Variants in NPAS3 observed in about 807,000 individuals in gnomAD.
NPAS3 encodes neuronal PAS domain-containing protein 3.
Under a neutral mutation model 73.1 loss-of-function variants are expected in NPAS3, and 14 were observed. The observed-to-expected ratio is 0.19, with a 90% CI of 0.13 to 0.30. The LOEUF (loss-of-function observed/expected upper bound fraction) is 0.30, where lower values mean the gene tolerates loss of function less well. Among genes scored for constraint, NPAS3 ranks in the 10% least tolerant of loss-of-function variants. NPAS3 has a pLI of 1.00. For synonymous variants in NPAS3, 620 were observed against 541.5 expected (o/e 1.14, Z -2.01); for missense variants, 1,096 against 1,250.0 (o/e 0.88, Z 1.86).
intron 4 of NPAS3, among the ~76,000 whole-genome samples, chr14:33,557,201 G>C (rs1368623174): frequency 1.3e-5 from 2 of 152,130 alleles, no homozygotes; most frequent in East Asian, 1.9e-4. Flanking sequence ...CGCTTGAAAG[G>C]CTCTATCAGA....
intron 9 of NPAS3, among the ~76,000 whole-genome samples, chr14:33,784,745 A>ATTTTTTT (rs1226491375): frequency 2.3e-4 from 17 of 73,856 alleles, no homozygotes; most frequent in African/African-American, 8.7e-4. Flanking sequence ...TTATTTATTT[A>ATTTTTTT]TTTTTTTTTT....
At chr14:33,011,899 C>G (rs2039212216) in intron 1 of NPAS3, among the ~76,000 whole-genome samples, 1 of 152,128 alleles carries the variant, frequency 6.6e-6, no homozygotes. Flanking sequence ...TTCGAAAGGC[C>G]AGGGTTCATG....
At chr14:33,253,588 T>A (rs1566727199) in intron 3 of NPAS3, among the ~76,000 whole-genome samples, 1 of 152,008 alleles carries the variant, frequency 6.6e-6, no homozygotes, top group Non-Finnish European at 1.5e-5. Context: ...TTGGTACTTT[T>A]CTCTCTTGTG....
chr14:33,647,296 A>C (rs532199197), intron 5 of NPAS3, among the ~76,000 whole-genome samples: 5,618 of 150,172 alleles, frequency 0.037, 136 homozygotes, highest in African/African-American at 0.064. Context: ...CTCTCTATAT[A>C]TATATATATA....
At chr14:33,580,736 G>A (rs1001288069) in intron 5 of NPAS3, among the ~76,000 whole-genome samples, 6 of 151,994 alleles carry the variant, frequency 3.9e-5, no homozygotes, top group Non-Finnish European at 7.4e-5. Context: ...CTCCAACTTC[G>A]ACCTAGAACT....
chr14:33,670,004 C>T (rs901212056), intron 5 of NPAS3, among the ~76,000 whole-genome samples: 2 of 152,130 alleles, frequency 1.3e-5, no homozygotes, highest in African/African-American at 4.8e-5. Context: ...CAACCTCGGC[C>T]TCCCAGGCTC....
chr14:33,525,129 G>GA (rs1338887551), intron 4 of NPAS3, among the ~76,000 whole-genome samples: 3 of 152,056 alleles, frequency 2.0e-5, no homozygotes, highest in Non-Finnish European at 4.4e-5. Flanking sequence ...TCATAATGTA[G>GA]AAAAATGTTC....
At chr14:33,434,697 A>C (rs1483994666) in intron 4 of NPAS3, among the ~76,000 whole-genome samples, 1 of 152,222 alleles carries the variant, frequency 6.6e-6, no homozygotes, top group Non-Finnish European at 1.5e-5. Context: ...AATGCTACAT[A>C]AAGCTTTGTG....
At chr14:33,662,937 T>G (rs1397538785) in intron 5 of NPAS3, among the ~76,000 whole-genome samples, 5 of 140,046 alleles carry the variant, frequency 3.6e-5, no homozygotes, top group Non-Finnish European at 7.6e-5. Flanking sequence ...CTCAGCTCAC[T>G]GCAACCTCCG....
chr14:33,478,062 A>G (rs915843393), intron 4 of NPAS3, among the ~76,000 whole-genome samples: 7 of 152,178 alleles, frequency 4.6e-5, no homozygotes, highest in Admixed American at 3.9e-4. Flanking sequence ...CAACACTCGC[A>G]TGCCCTCTGG....
rs550435819 is a variant in NPAS3 at position 33,697,182 on chromosome 14, A to G, written c.733+20797A>G. Reference sequence around the variant, plus strand: ...CTTGTCACCAACCCTGGATATCCAGATGCCTGGTTACATCACTGAGACTTT... The same window carrying G: ...CTTGTCACCAACCCTGGATATCCAGGTGCCTGGTTACATCACTGAGACTTT... On this transcript the variant is annotated intron_variant, in intron 6 of 11. Transcript: ENST00000356141. Among the ~76,000 whole-genome samples the G allele has an allele frequency of 1.3e-4, 20 of 152,314 alleles. No individual in the cohort carries two copies. In the South Asian group the frequency reaches 4.1e-3, roughly 32 times the overall value.
At chr14:33,006,997 A>G (rs763364320) in intron 1 of NPAS3, among the ~76,000 whole-genome samples, 1 of 152,144 alleles carries the variant, frequency 6.6e-6, no homozygotes, top group Non-Finnish European at 1.5e-5. Context: ...GTACATGAGC[A>G]TAGAGTAAGC....
At chr14:33,005,744 C>G (rs2038979211) in intron 1 of NPAS3, among the ~76,000 whole-genome samples, 1 of 152,126 alleles carries the variant, frequency 6.6e-6, no homozygotes, top group Non-Finnish European at 1.5e-5. Context: ...GTGGTTGGGT[C>G]CTAAGGATTC....
At chr14:33,642,546 G>A (rs8009173) in intron 5 of NPAS3, among the ~76,000 whole-genome samples, 160 of 152,232 alleles carry the variant, frequency 1.1e-3, no homozygotes, top group Admixed American at 3.8e-3. Context: ...CTGGGTACAA[G>A]ATTGAAAAAT....
At chr14:33,774,279 G>A in intron 7 of NPAS3, 58 bp from the exon 8 acceptor site, 1 of 1,367,286 alleles carries the variant, frequency 7.3e-7, no homozygotes, top group Non-Finnish European at 1.0e-6. Flanking sequence ...CATAAGAAAT[G>A]CTGTTATATC....
intron 3 of NPAS3, among the ~76,000 whole-genome samples, chr14:33,271,287 A>G (rs76423229): frequency 0.015 from 2,334 of 152,292 alleles, 27 homozygotes; most frequent in Non-Finnish European, 0.024. Flanking sequence ...CCTACAGTCA[A>G]ACGGGATAGG....
intron 4 of NPAS3, among the ~76,000 whole-genome samples, chr14:33,493,115 C>G (rs1331674631): frequency 6.6e-6 from 1 of 152,124 alleles, no homozygotes; most frequent in African/African-American, 2.4e-5. Context: ...CTCTGTTTCT[C>G]CTTTCATTTG....
chr14:33,204,009 C>T (rs28656141), intron 2 of NPAS3, among the ~76,000 whole-genome samples: 31,906 of 152,028 alleles, frequency 0.21, 3,817 homozygotes, highest in South Asian at 0.38. Flanking sequence ...TAATGACTGC[C>T]ATTCTAACTG....
intron 2 of NPAS3, among the ~76,000 whole-genome samples, chr14:33,090,880 C>T (rs2042202108): frequency 6.6e-6 from 1 of 152,180 alleles, no homozygotes; most frequent in South Asian, 2.1e-4. Flanking sequence ...ACTGAACAAC[C>T]TGCTCCTGAA....
Sources: allele counts gnomAD v4.1 joint callset (sites outside exome capture counted in the v4.1 genomes callset), GRCh38; gene constraint gnomAD v4.1.1; transcripts MANE v1.5; gene names NCBI Gene and HGNC (gene_info 2026-07-23, HGNC 2026-07-21).